EPM2A: variants seen among roughly 807,000 people sequenced by gnomAD.
EPM2A encodes the protein EPM2A glucan phosphatase, laforin, also known as laforin.
Under a neutral mutation model 26.5 loss-of-function variants are expected in EPM2A, and 21 were observed. The ratio of observed to expected loss-of-function variants is 0.79; its 90% CI spans 0.56 to 1.14. The LOEUF (loss-of-function observed/expected upper bound fraction) is 1.14. EPM2A is among the 50% of genes most tolerant of loss of function. The pLI is 0.00. For missense variants in EPM2A, 458 were observed against 440.8 expected, an observed-to-expected ratio of 1.04 and a Z score of -0.35; for synonymous variants, 217 against 177.6, an observed-to-expected ratio of 1.22 and a Z score of -1.76.
chr6:145,455,479 T>C (rs1029348007), intron 4 of EPM2A, among the ~76,000 whole-genome samples: 2 of 152,090 alleles, frequency 1.3e-5, no homozygotes, highest in African/African-American at 4.8e-5. Flanking sequence ...TGCCTCAGCC[T>C]CCTGAGCAGC....
chr6:145,712,527 A>C (rs1775393806), intron 1 of EPM2A, among the ~76,000 whole-genome samples: 1 of 152,182 alleles, frequency 6.6e-6, no homozygotes, highest in East Asian at 1.9e-4. Context: ...AGCAATGGCT[A>C]CTGAGAAGTG....
At chr6:145,426,993 C>T (rs926921514) in intron 4 of EPM2A, among the ~76,000 whole-genome samples, 7 of 152,086 alleles carry the variant, frequency 4.6e-5, no homozygotes, top group African/African-American at 1.7e-4. Flanking sequence ...TAATAAAAAG[C>T]TTTGAAAGGG....
At chr6:145,636,674 G>A (rs1776709346) in intron 2 of EPM2A, 1 of 152,030 alleles carries the variant, frequency 6.6e-6, no homozygotes. Flanking sequence ...CCTGTAGTCT[G>A]GCACTTTGGA....
chr6:145,680,484 G>A (rs972402910), intron 2 of EPM2A, among the ~76,000 whole-genome samples: 11 of 151,776 alleles, frequency 7.2e-5, no homozygotes, highest in South Asian at 2.1e-4. Context: ...CTGGTGTGCT[G>A]CACCCATTAA....
chr6:145,718,238 C>T (rs2128636464), intron 1 of EPM2A, among the ~76,000 whole-genome samples: 1 of 150,962 alleles, frequency 6.6e-6, no homozygotes, highest in African/African-American at 2.4e-5. Context: ...GCTACAGTAA[C>T]CAAAACAGCA....
chr6:145,575,738 A>G (rs1781021991), intron 2 of EPM2A, among the ~76,000 whole-genome samples: 1 of 152,156 alleles, frequency 6.6e-6, no homozygotes, highest in Non-Finnish European at 1.5e-5. Context: ...CAGTCACAAT[A>G]AAGACTATCA....
chr6:145,650,085 A>G (rs1777770855), intron 2 of EPM2A, among the ~76,000 whole-genome samples: 2 of 152,132 alleles, frequency 1.3e-5, no homozygotes, highest in Non-Finnish European at 2.9e-5. Context: ...CATCTGCTGG[A>G]AAGGATAAAA....
At chr6:145,680,339 CT>C (rs11404126) in intron 2 of EPM2A, among the ~76,000 whole-genome samples, 18 of 146,526 alleles carry the variant, frequency 1.2e-4, no homozygotes, top group East Asian at 2.0e-4. Flanking sequence ...GTGCTAATTT[CT>C]TTTTTTTTTC....
intron 4 of EPM2A, among the ~76,000 whole-genome samples, chr6:145,393,424 A>G (rs1322226574): frequency 1.4e-5 from 2 of 147,882 alleles, no homozygotes; most frequent in African/African-American, 2.5e-5. Context: ...GAAATAGAAA[A>G]TGTGGCTCAA....
chr6:145,579,424 G>T (rs10872577), intron 2 of EPM2A, among the ~76,000 whole-genome samples: 65,246 of 151,966 alleles, frequency 0.43, 14,562 homozygotes, highest in African/African-American at 0.52. Flanking sequence ...AATTGCCCCT[G>T]ATATCATTAT....
intron 4 of EPM2A, among the ~76,000 whole-genome samples, chr6:145,495,738 G>C (rs1779809257): frequency 6.6e-6 from 1 of 151,992 alleles, no homozygotes; most frequent in African/African-American, 2.4e-5. Flanking sequence ...CACCACACCT[G>C]GCTAATTTTT....
rs528392371 is a variant in EPM2A at position 145,571,455 on chromosome 6, A to G, written c.340+63790T>C. ...GCTGTGTGGAATACCATGATGGTGG[A>G]TAAGGCATTCTGTGAGTCCATGGAT... is the stretch of plus-strand genomic sequence containing the variant. On this transcript the variant is annotated intron_variant, in intron 2 of 3. Coordinates refer to the EPM2A transcript ENST00000450221. Among the ~76,000 whole-genome samples, 3 of 152,342 alleles carry G rather than the reference A, an allele frequency of 2.0e-5. No homozygotes were observed. In the South Asian group the frequency reaches 6.2e-4, roughly 32 times the overall value.
intron 4 of EPM2A, among the ~76,000 whole-genome samples, chr6:145,466,491 C>T (rs1779395444): frequency 6.6e-6 from 1 of 152,044 alleles, no homozygotes; most frequent in African/African-American, 2.4e-5. Flanking sequence ...AGTCAGGAAA[C>T]AACAGGTGCT....
chr6:145,451,188 A>G lies in EPM2A; in HGVS notation c.555+51334T>C, dbSNP rs554828827. On this transcript the variant is annotated intron_variant, in intron 4 of 4. Coordinates refer to the EPM2A transcript ENST00000638717. Reference sequence around the variant, plus strand: ...TGTCCAATACATAAATACTTACCTGATGAAATCAGTGCTGATCTTACTGCA... The same window carrying G: ...TGTCCAATACATAAATACTTACCTGGTGAAATCAGTGCTGATCTTACTGCA... 1.4e-4 allele frequency among the ~76,000 whole-genome samples: 22 copies of G among 152,344 alleles called. No homozygotes were observed. The East Asian group carries it at 4.2e-3, about 29-fold the overall frequency.
intron 2 of EPM2A, among the ~76,000 whole-genome samples, chr6:145,532,987 C>A (rs113368742): frequency 1.5e-3 from 222 of 152,226 alleles, no homozygotes; most frequent in African/African-American, 5.1e-3. Flanking sequence ...CTTAATCTCC[C>A]TCTTAAGCAT....
chr6:145,390,237 G>C (rs1051974558), intron 4 of EPM2A, among the ~76,000 whole-genome samples: 1 of 151,940 alleles, frequency 6.6e-6, no homozygotes, highest in Non-Finnish European at 1.5e-5. Context: ...ACCTTCAACT[G>C]ACTGGATGAG....
intron 4 of EPM2A, among the ~76,000 whole-genome samples, chr6:145,467,730 T>C (rs1003757308): frequency 6.6e-6 from 1 of 152,120 alleles, no homozygotes. Flanking sequence ...TTCAGGAACA[T>C]GCTATGCCTC....
intron 1 of EPM2A, among the ~76,000 whole-genome samples, chr6:145,707,072 G>T (rs1338900916): frequency 6.6e-6 from 1 of 152,166 alleles, no homozygotes; most frequent in Non-Finnish European, 1.5e-5. Flanking sequence ...ATTAATACTG[G>T]TGCCTTAATC....
chr6:145,722,112 T>C (rs1056568715), intron 1 of EPM2A, among the ~76,000 whole-genome samples: 2 of 152,354 alleles, frequency 1.3e-5, no homozygotes, highest in Admixed American at 6.5e-5. Flanking sequence ...AATGAGAAAC[T>C]GTAGCAATTT....
Sources: gnomAD v4.1 joint callset for allele counts (sites outside exome capture counted in the v4.1 genomes callset) on GRCh38, gnomAD v4.1.1 for gene constraint, MANE v1.5 for transcripts, NCBI Gene and HGNC (gene_info 2026-07-23, HGNC 2026-07-21) for gene names.